The following MVP variants were observed in gnomAD, a reference collection of about 807,000 sequenced individuals.
MVP encodes lung resistance-related protein.
MVP carries 62 observed loss-of-function variants against 83.5 expected under a neutral mutation model. The observed-to-expected ratio is 0.74, with a 90% CI of 0.61 to 0.92. The LOEUF (loss-of-function observed/expected upper bound fraction) is 0.92. MVP is among the 40% of genes least tolerant of loss of function. The pLI, the probability that MVP is intolerant of heterozygous loss-of-function variation, is 0.00. For synonymous variants in MVP, 505 were observed against 504.1 expected (o/e 1.00, Z -0.02); for missense variants, 1,000 against 1,203.4 (o/e 0.83, Z 2.50).
intron 1 of MVP, among the ~76,000 whole-genome samples, chr16:29,823,224 C>T (rs897015335): frequency 2.0e-5 from 3 of 149,684 alleles, no homozygotes; most frequent in African/African-American, 7.4e-5. Flanking sequence ...CTCCCAGGCA[C>T]AGGCGATCCT....
rs752874712 is a variant in MVP, at chr16:29,847,908, C to A, written c.2601C>A (p.Ser867Arg). The change falls in exon 15 of 15, where the codon AGC becomes AGA. Residue 867 changes from serine to arginine, a missense_variant. Ser to Arg is a moderately radical substitution (Grantham distance 110). Coordinates refer to ENST00000357402, the MANE Select transcript of MVP (RefSeq NM_005115.5). ...PLGRRVASGP[S>R]PGEGISPQSA... is the part of the protein sequence containing the mutation. The stretch of plus-strand genomic sequence containing the variant: ...GCAGAAGGGTGGCCAGTGGGCCCAG[C>A]CCTGGGGAGGGGATATCCCCCCAGT... The A allele has an allele frequency of 5.6e-6, 9 of 1,613,898 alleles. No individual in the cohort carries two copies. The highest frequency in any genetic ancestry group is 6.8e-6 in the Non-Finnish European group (8 of 1,179,876).
intron 10 of MVP, among the ~76,000 whole-genome samples, chr16:29,843,022 G>A (rs961073324): frequency 2.0e-5 from 3 of 152,248 alleles, no homozygotes; most frequent in African/African-American, 7.2e-5. Flanking sequence ...TGCAGCCTGT[G>A]GACCTGGGGA....
intron 1 of MVP, among the ~76,000 whole-genome samples, chr16:29,821,956 T>TG (rs1253256191): frequency 6.6e-6 from 1 of 152,124 alleles, no homozygotes; most frequent in East Asian, 1.9e-4. Flanking sequence ...CTGGATGCGG[T>TG]GGCTCAGGCC....
chr16:29,831,933 G>T (rs1330378227), intron 3 of MVP, among the ~76,000 whole-genome samples: 2 of 152,116 alleles, frequency 1.3e-5, no homozygotes, highest in East Asian at 1.9e-4. Flanking sequence ...ATGGTTTTGG[G>T]TTTTTTGTTT....
chr16:29,839,895 GA>G (rs918723123), intron 7 of MVP, among the ~76,000 whole-genome samples: 6 of 149,866 alleles, frequency 4.0e-5, no homozygotes, highest in Admixed American at 3.3e-4. Context: ...GGAGAAAGAA[GA>G]AAAAACAGGT....
intron 1 of MVP, among the ~76,000 whole-genome samples, chr16:29,823,892 A>C (rs1331948841): frequency 4.0e-5 from 6 of 151,546 alleles, no homozygotes. Flanking sequence ...CAACGGGTGA[A>C]CCTCACCCAG....
At chr16:29,821,673 C>T (rs1303393238) in intron 1 of MVP, among the ~76,000 whole-genome samples, 1 of 152,192 alleles carries the variant, frequency 6.6e-6, no homozygotes, top group African/African-American at 2.4e-5. Context: ...ACAGTTATAG[C>T]CAGGTTGGAC....
chr16:29,820,776 CCTCT>C (rs781639765), intron 1 of MVP: 1 of 152,360 alleles, frequency 6.6e-6, no homozygotes. Flanking sequence ...AACTCTCAGG[CCTCT>C]CTCTGACTTC....
intron 10 of MVP, among the ~76,000 whole-genome samples, chr16:29,843,174 T>C (rs2067548584): frequency 1.3e-5 from 2 of 152,014 alleles, no homozygotes; most frequent in African/African-American, 4.8e-5. Flanking sequence ...CTATTAGGAT[T>C]GGGTGAGATA....
rs758050017 is a variant in MVP, at chr16:29,841,825, G to A, written c.1421G>A (p.Arg474Gln). 1.2e-5 allele frequency: 19 copies of A among 1,609,522 alleles called. No homozygotes were observed. The highest frequency in any genetic ancestry group is 2.2e-5 in the East Asian group (1 of 44,890). Residue 474 changes from arginine to glutamine, a missense_variant, in exon 9 of 15, where the codon CGA (arginine) becomes CAA (glutamine). By Grantham distance (43) the Arg-to-Gln change is conservative. Transcript: ENST00000357402. This position sits in a 1 kb window ranked among gnomAD's most constrained non-coding sequence, Gnocchi z 4.7. ...HNAAVQVYDY[R>Q]EKRARVVFGP... ...GCTGCGGTGCAGGTGTACGACTACC[G>A]AGAGAAGCGAGCCCGGTGAGTGCTG...
At chr16:29,829,454 CAAA>C (rs34314929) in intron 1 of MVP, among the ~76,000 whole-genome samples, 1 of 52,652 alleles carries the variant, frequency 1.9e-5, no homozygotes, top group Middle Eastern at 8.8e-3. Flanking sequence ...GACTCCGTCT[CAAA>C]AAAAAAAAAA....
rs771443412 is a variant in MVP, at chr16:29,844,590, C to T, written c.1732C>T (p.Arg578Trp). 4.2e-5 allele frequency: 67 copies of T among 1,612,998 alleles called. No homozygotes were observed. The highest frequency in any genetic ancestry group is 5.3e-5 in the Non-Finnish European group (62 of 1,179,458). The stretch of plus-strand genomic sequence containing the variant: ...TGATGCCTGCAAAGCCATCGCATCC[C>T]GGGTGCGGGGGGCCGTGGCCTCTGT... ...VGDACKAIAS[R>W]VRGAVASVTF... The change falls in exon 11 of 15, where the codon CGG becomes TGG. Residue 578 changes from arginine to tryptophan, a missense_variant. Coordinates refer to ENST00000357402, the MANE Select transcript of MVP (RefSeq NM_005115.5).
chr16:29,846,203 C>A lies in MVP; in HGVS notation c.2184C>A (p.Ser728=). The A allele has an allele frequency of 6.2e-7, 1 of 1,603,720 alleles. No individual in the cohort carries two copies. The highest frequency in any genetic ancestry group is 8.5e-7 in the Non-Finnish European group (1 of 1,175,034). ...STGTAKAEAE[S]RAEAARIEGE... ...GGACTGCCAAGGCGGAGGCCGAGTC[C>A]CGTGCGGAGGCAGCCCGGATTGAGG... The change falls in exon 13 of 15, where the codon TCC becomes TCA. Residue 728 remains serine (S), a synonymous_variant. Coordinates refer to ENST00000357402, the MANE Select transcript of MVP (RefSeq NM_005115.5).
intron 7 of MVP, among the ~76,000 whole-genome samples, chr16:29,839,445 G>A (rs1263253076): frequency 1.3e-5 from 2 of 152,094 alleles, no homozygotes; most frequent in Non-Finnish European, 2.9e-5. Flanking sequence ...GTATACTCTA[G>A]ATGGGAAAAT....
intron 7 of MVP, among the ~76,000 whole-genome samples, chr16:29,837,661 C>T (rs1012260170): frequency 1.3e-5 from 2 of 151,558 alleles, no homozygotes; most frequent in African/African-American, 2.4e-5. Context: ...GGCTGAGGCA[C>T]GAGAATCACT....
chr16:29,826,240 G>A (rs2067403983), intron 1 of MVP: 1 of 152,236 alleles, frequency 6.6e-6, no homozygotes, highest in Non-Finnish European at 1.5e-5. Context: ...TAACTTGGTT[G>A]ATAATGTTAT....
chr16:29,827,024 G>A (rs558207069), intron 1 of MVP, among the ~76,000 whole-genome samples: 1 of 151,958 alleles, frequency 6.6e-6, no homozygotes, highest in Non-Finnish European at 1.5e-5. Context: ...TGGAGCAACT[G>A]GGGGGTGGAA....
chr16:29,847,460 C>A, intron 14 of MVP, 75 bp downstream of exon 14: 1 of 1,398,590 alleles, frequency 7.2e-7, no homozygotes, highest in Non-Finnish European at 9.6e-7. Flanking sequence ...GCGGAAAACA[C>A]AACATCTGGA....
At chr16:29,831,310 C>A (rs371231902) in intron 3 of MVP, among the ~76,000 whole-genome samples, 1 of 152,208 alleles carries the variant, frequency 6.6e-6, no homozygotes, top group Non-Finnish European at 1.5e-5. Flanking sequence ...CCCGCCACCA[C>A]GCCCGGCTAA....
Sources: allele counts gnomAD v4.1 joint callset (sites outside exome capture counted in the v4.1 genomes callset), GRCh38; gene constraint gnomAD v4.1.1; non-coding constraint Gnocchi (gnomAD v3.1); transcripts MANE v1.5; gene names NCBI Gene and HGNC (gene_info 2026-07-23, HGNC 2026-07-21).